Variants in RNASET2 observed in about 807,000 individuals in gnomAD.
RNASET2 encodes ribonuclease T2, also known as ribonuclease 6.
In RNASET2, 28 loss-of-function variants were observed where a neutral mutation model predicts 33.9. The ratio of observed to expected loss-of-function variants is 0.83; its 90% CI spans 0.61 to 1.13. The LOEUF is 1.13. Ranked by LOEUF, RNASET2 falls within the 50% of genes most tolerant of loss-of-function variation. RNASET2 has a pLI of 0.00. For missense variants in RNASET2, 330 were observed against 319.9 expected (o/e 1.03, Z -0.24); for synonymous variants, 123 against 121.0 (o/e 1.02, Z -0.11).
At position 166,956,237 on chromosome 6, in the gene RNASET2, A is replaced by C; in HGVS notation, c.-55T>G. On this transcript the variant is annotated 5_prime_UTR_variant, in exon 1 of 9. Transcript: ENST00000508775. ...GCTGCCGCTCCGGCTCCCACTTCCC[A>C]CCTGCTGCCCGAGGAAGACTTCCGG... 4.2e-6 allele frequency: 6 copies of C among 1,436,300 alleles called. No individual in the cohort carries two copies. The highest frequency in any genetic ancestry group is 5.7e-6 in the Non-Finnish European group (6 of 1,044,934). The allele number at this position is 1,436,300 out of a possible 1,614,324, so 89.0% of individuals were successfully genotyped here. A position where few individuals can be genotyped will look rare whatever the true frequency, so the allele number is the denominator to read the frequency against.
chr6:166,944,284 C>A (rs1778772804), intron 4 of RNASET2, among the ~76,000 whole-genome samples: 1 of 151,962 alleles, frequency 6.6e-6, no homozygotes, highest in Non-Finnish European at 1.5e-5. Context: ...CCCTCTACAC[C>A]AAAAAAACCC....
intron 6 of RNASET2, chr6:166,935,107 G>T (rs1246218508): frequency 6.6e-6 from 1 of 152,042 alleles, no homozygotes; most frequent in African/African-American, 2.4e-5. Context: ...AACAAGGACC[G>T]AGATGCCGGA....
chr6:166,937,886 T>C (rs1397921322), intron 6 of RNASET2, among the ~76,000 whole-genome samples: 1 of 152,172 alleles, frequency 6.6e-6, no homozygotes, highest in Admixed American at 6.5e-5. Flanking sequence ...CTTCTATCAG[T>C]GCCTGAGCTC....
chr6:166,955,174 G>GCC lies in RNASET2; in HGVS notation c.86+921_86+922dup, dbSNP rs537663322. 3.0e-3 allele frequency among the ~76,000 whole-genome samples: 325 copies of GCC among 108,102 alleles called. 1 individual carries two copies. The highest frequency in any genetic ancestry group is 0.011 in the African/African-American group (278 of 24,752). The allele number at this position is 108,102 out of a possible 152,430, so 70.9% of individuals were successfully genotyped here. On this transcript the variant is annotated intron_variant, in intron 1 of 8. Coordinates refer to ENST00000508775, the MANE Select transcript of RNASET2 (RefSeq NM_003730.6). ...TTACCCCTAATTAATTTGGGCGGCTGCCACACACACACACGCACACACGCA... is the reference window on the plus strand; with the variant it reads ...TTACCCCTAATTAATTTGGGCGGCTGCCCCACACACACACACGCACACACGCA...
chr6:166,955,263 ACACACACG>A lies in RNASET2; in HGVS notation c.86+826_86+833del, dbSNP rs1474882486. Among the ~76,000 whole-genome samples, 251 of 122,568 alleles carry A rather than the reference ACACACACG, an allele frequency of 2.0e-3. 5 individuals are homozygous for A. Among genetic ancestry groups the A allele is most frequent in the African/African-American group, 8.7e-3 (234 of 26,804 alleles). 80.4% of individuals were successfully genotyped at this position (122,568 alleles called of 152,430 possible). ...CGCACACACACGCACACACGCACAC[ACACACACG>A]CGCACACACGACACACACGCACAGA... On this transcript the variant is annotated intron_variant, in intron 1 of 8. Coordinates refer to ENST00000508775, the MANE Select transcript of RNASET2 (RefSeq NM_003730.6).
chr6:166,955,191 A>G (rs140323276), intron 1 of RNASET2, among the ~76,000 whole-genome samples: 72 of 36,382 alleles, frequency 2.0e-3, no homozygotes, highest in Middle Eastern at 0.014. Context: ...ACACACACGC[A>G]CACACGCACG....
chr6:166,955,197 G>A (rs117397654), intron 1 of RNASET2, among the ~76,000 whole-genome samples: 15,079 of 118,424 alleles, frequency 0.13, 1,105 homozygotes, highest in African/African-American at 0.17. Flanking sequence ...ACGCACACAC[G>A]CACGCACACA....
At chr6:166,939,061 C>T in intron 5 of RNASET2, 53 bp from the exon 6 acceptor site, 1 of 1,319,558 alleles carries the variant, frequency 7.6e-7, no homozygotes. Context: ...AGGCTGCGTG[C>T]AGTGGCTCAT....
intron 8 of RNASET2, among the ~76,000 whole-genome samples, chr6:166,930,776 T>G (rs372132749): frequency 3.2e-4 from 45 of 140,064 alleles, no homozygotes; most frequent in East Asian, 2.0e-3. Flanking sequence ...TGCACACACA[T>G]GCACACATAG....
chr6:166,954,708 A>C (rs993340328), intron 1 of RNASET2, among the ~76,000 whole-genome samples: 8 of 152,230 alleles, frequency 5.3e-5, no homozygotes, highest in African/African-American at 1.9e-4. Context: ...ATATATACCT[A>C]AGGTGTTTAA....
chr6:166,949,035 T>G (rs1778916261), intron 2 of RNASET2, among the ~76,000 whole-genome samples: 1 of 151,080 alleles, frequency 6.6e-6, no homozygotes. Flanking sequence ...GCCAACCTGG[T>G]GAAACCCCAT....
At position 166,928,288 on chromosome 6, in the gene RNASET2, C is replaced by T. The variant is rs1395642735; in HGVS notation, c.*1300G>A. 2.6e-5 allele frequency among the ~76,000 whole-genome samples: 4 copies of T among 152,204 alleles called. No homozygotes were observed. Among genetic ancestry groups the T allele is most frequent in the Non-Finnish European group, 5.9e-5 (4 of 68,038 alleles). On this transcript the variant is annotated 3_prime_UTR_variant, in exon 9 of 9. Transcript: ENST00000508775. ...ACTGCGACACCTACTTTCTCACCGT[C>T]CCATCTGCCTGGTAAACCTTTGTCT...
chr6:166,934,276 T>G lies in RNASET2; in HGVS notation c.447-140A>C, dbSNP rs1778515076. The G allele has an allele frequency of 7.3e-6, 5 of 687,456 alleles. No individual in the cohort carries two copies. In the South Asian group the frequency reaches 7.9e-5, roughly 11 times the overall value. The allele number at this position is 687,456 out of a possible 1,614,324, so 42.6% of individuals were successfully genotyped here. On this transcript the variant is annotated intron_variant, in intron 6 of 8. Transcript: ENST00000508775. ...TTTCTATGACTTTATGCAACAAATG[T>G]GTCAACATGGACTGCAAATACATGG...
intron 2 of RNASET2, among the ~76,000 whole-genome samples, chr6:166,950,312 C>T (rs901853197): frequency 1.3e-5 from 2 of 152,190 alleles, no homozygotes; most frequent in South Asian, 2.1e-4. Flanking sequence ...AGGCAGCTTC[C>T]GGCTCCTTCT....
At chr6:166,949,836 G>A (rs1026473850) in intron 2 of RNASET2, among the ~76,000 whole-genome samples, 2 of 152,190 alleles carry the variant, frequency 1.3e-5, no homozygotes, top group Admixed American at 1.3e-4. Context: ...AGCTGTGGGA[G>A]AGCCCAGAAC....
chr6:166,932,916 G>C (rs1346234092), intron 7 of RNASET2: 1 of 152,202 alleles, frequency 6.6e-6, no homozygotes, highest in African/African-American at 2.4e-5. Context: ...TTGGGGTTGA[G>C]GGGGAGTCTG....
In RNASET2 at chr6:166,922,368, T is replaced by C. The variant is rs531518562; in HGVS notation, c.*7220A>G. ...CATCTCTCATCATCAGCAAGTTGCA[T>C]CCCACTGACCATCCCCCGGCTCCCC... On this transcript the variant is annotated 3_prime_UTR_variant, in exon 9 of 9. Transcript: ENST00000508775. Among the ~76,000 whole-genome samples the C allele has an allele frequency of 2.0e-5, 3 of 152,074 alleles. No homozygotes were observed. The East Asian group carries it at 5.8e-4, about 29-fold the overall frequency.
rs1166692713 is a variant in RNASET2, at chr6:166,929,433, A to C, written c.*155T>G. The C allele has an allele frequency of 2.5e-6, 2 of 794,770 alleles. No individual in the cohort carries two copies. Among genetic ancestry groups the C allele is most frequent in the Non-Finnish European group, 4.3e-6 (2 of 465,296 alleles). The allele number at this position is 794,770 out of a possible 1,614,324, so 49.2% of individuals were successfully genotyped here. A position where few individuals can be genotyped will look rare whatever the true frequency, so the allele number is the denominator to read the frequency against. On this transcript the variant is annotated 3_prime_UTR_variant, in exon 9 of 9. Transcript: ENST00000508775. Reference sequence around the variant, plus strand: ...GCTCCTTTCTCCCCGTGTACGCCACATGCACTCACTCTACAGGGACCACAA... The same window carrying C: ...GCTCCTTTCTCCCCGTGTACGCCACCTGCACTCACTCTACAGGGACCACAA...
At position 166,927,713 on chromosome 6, in the gene RNASET2, C is replaced by CAAAAAAAAAAAAAAA. The variant is rs58837223; in HGVS notation, c.*1860_*1874dup. On this transcript the variant is annotated 3_prime_UTR_variant, in exon 9 of 9. Transcript: ENST00000508775. The stretch of plus-strand genomic sequence containing the variant: ...TGATCCCTGTGTTCGCAAAATGACT[C>CAAAAAAAAAAAAAAA]AAAAAAAAAAAAAAAAAAAAAAAGA... Among the ~76,000 whole-genome samples, 43 of 47,342 alleles carry CAAAAAAAAAAAAAAA rather than the reference C, an allele frequency of 9.1e-4. 3 individuals carry two copies. Among genetic ancestry groups the CAAAAAAAAAAAAAAA allele is most frequent in the African/African-American group, 3.3e-3 (38 of 11,666 alleles). The allele number at this position is 47,342 out of a possible 152,430, so 31.1% of individuals were successfully genotyped here.
Sources: allele counts gnomAD v4.1 joint callset (sites outside exome capture counted in the v4.1 genomes callset), GRCh38; gene constraint gnomAD v4.1.1; transcripts MANE v1.5; gene names NCBI Gene and HGNC (gene_info 2026-07-23, HGNC 2026-07-21).